Variants in DIAPH3 observed in about 807,000 individuals in gnomAD.
DIAPH3 encodes the protein diaphanous related formin 3.
A neutral mutation model predicts 144.3 loss-of-function variants in DIAPH3; 117 were observed. That is an observed-to-expected ratio of 0.81 (90% CI 0.70 to 0.95). DIAPH3 has a LOEUF of 0.95. Ranked by LOEUF, DIAPH3 falls within the 40% of genes least tolerant of loss-of-function variation. The pLI, the probability that DIAPH3 is intolerant of heterozygous loss-of-function variation, is 0.00. For missense variants in DIAPH3, 1,421 were observed against 1,412.7 expected (o/e 1.01, Z -0.09); for synonymous variants, 519 against 488.9 (o/e 1.06, Z -0.81).
intron 25 of DIAPH3, among the ~76,000 whole-genome samples, chr13:59,781,216 G>C (rs949063486): frequency 6.6e-6 from 1 of 152,192 alleles, no homozygotes; most frequent in African/African-American, 2.4e-5. Flanking sequence ...AATAAGACTA[G>C]GACTGGATTT....
intron 2 of DIAPH3, among the ~76,000 whole-genome samples, chr13:60,113,131 ATTATGGT>A (rs1437350447): frequency 6.6e-6 from 1 of 152,188 alleles, no homozygotes; most frequent in Admixed American, 6.5e-5. Flanking sequence ...TGTACTATTC[ATTATGGT>A]AGCCACTAGC....
intron 14 of DIAPH3, among the ~76,000 whole-genome samples, chr13:59,978,781 G>A (rs2800308): frequency 0.64 from 96,766 of 151,360 alleles, 31,819 homozygotes; most frequent in African/African-American, 0.73. Context: ...TTACTAGAGC[G>A]ATATTACACT....
intron 26 of DIAPH3, 76 bp from the exon 27 acceptor site, chr13:59,774,324 C>CT (rs1269008125): frequency 4.8e-6 from 6 of 1,251,826 alleles, no homozygotes; most frequent in Non-Finnish European, 6.8e-6. Context: ...ATTAGACATA[C>CT]TTTTTTCCAA....
chr13:59,684,068 G>A (rs1373027295), intron 27 of DIAPH3, among the ~76,000 whole-genome samples: 3 of 151,646 alleles, frequency 2.0e-5, no homozygotes. Flanking sequence ...AAAAAAACAA[G>A]GCCAAGGAGC....
chr13:60,155,588 T>C (rs1951993311), intron 1 of DIAPH3, among the ~76,000 whole-genome samples: 1 of 152,194 alleles, frequency 6.6e-6, no homozygotes, highest in South Asian at 2.1e-4. Flanking sequence ...AAGCTTACAA[T>C]GCCTGGTGTG....
At chr13:59,898,664 T>C (rs2046264904) in intron 20 of DIAPH3, among the ~76,000 whole-genome samples, 1 of 152,208 alleles carries the variant, frequency 6.6e-6, no homozygotes, top group African/African-American at 2.4e-5. Flanking sequence ...CCTGACAGAA[T>C]GATTCCTGCC....
intron 24 of DIAPH3, among the ~76,000 whole-genome samples, chr13:59,815,904 T>C (rs933816555): frequency 5.9e-5 from 9 of 152,086 alleles, no homozygotes; most frequent in Non-Finnish European, 1.3e-4. Context: ...CAACTCCTAC[T>C]TGTCTTATCT....
intron 27 of DIAPH3, chr13:59,696,246 A>G (rs1201335519): frequency 6.6e-6 from 1 of 152,234 alleles, no homozygotes. Flanking sequence ...CTTTTTAGAA[A>G]TAGCTCAATG....
chr13:59,720,415 A>C (rs1466047219), intron 27 of DIAPH3, among the ~76,000 whole-genome samples: 2 of 152,222 alleles, frequency 1.3e-5, no homozygotes, highest in Non-Finnish European at 2.9e-5. Context: ...AATTGTTATT[A>C]AATGAAAATT....
intron 20 of DIAPH3, among the ~76,000 whole-genome samples, chr13:59,890,921 C>T (rs568723940): frequency 9.9e-5 from 15 of 151,996 alleles, no homozygotes; most frequent in African/African-American, 3.1e-4. Context: ...ACTTTACGGA[C>T]CCTTTCAGAA....
chr13:60,087,608 A>G (rs925863811), intron 4 of DIAPH3, among the ~76,000 whole-genome samples: 1 of 152,182 alleles, frequency 6.6e-6, no homozygotes, highest in Non-Finnish European at 1.5e-5. Context: ...AAGAACTACT[A>G]CAGTAATACT....
chr13:59,780,885 T>C (rs1264672517), intron 25 of DIAPH3, among the ~76,000 whole-genome samples: 5 of 152,164 alleles, frequency 3.3e-5, no homozygotes, highest in African/African-American at 1.2e-4. Context: ...AGCTGGAAAT[T>C]CGGGCCTCAA....
At chr13:59,853,122 A>G (rs1187125453) in intron 22 of DIAPH3, among the ~76,000 whole-genome samples, 3 of 152,218 alleles carry the variant, frequency 2.0e-5, no homozygotes, top group African/African-American at 4.8e-5. Context: ...GATTATACCT[A>G]TAACAAGCTG....
chr13:60,120,848 T>C (rs2058827500), intron 2 of DIAPH3, among the ~76,000 whole-genome samples: 1 of 152,170 alleles, frequency 6.6e-6, no homozygotes, highest in Non-Finnish European at 1.5e-5. Context: ...AACAGAACCA[T>C]ACTGTAAGCT....
chr13:60,061,270 T>C (rs1488505977), intron 4 of DIAPH3, among the ~76,000 whole-genome samples: 2 of 151,872 alleles, frequency 1.3e-5, no homozygotes, highest in Non-Finnish European at 2.9e-5. Context: ...AGGGAGAGAA[T>C]AGAAGCACAA....
chr13:59,851,441 G>A (rs879282297), intron 22 of DIAPH3, among the ~76,000 whole-genome samples: 11 of 152,016 alleles, frequency 7.2e-5, no homozygotes, highest in African/African-American at 2.7e-4. Flanking sequence ...ATCTAAAACT[G>A]CAAAAAACCC....
intron 17 of DIAPH3, among the ~76,000 whole-genome samples, chr13:59,943,027 A>G (rs1189889387): frequency 6.6e-6 from 1 of 152,198 alleles, no homozygotes. Flanking sequence ...ATATATATAT[A>G]AGCATTTGTT....
At chr13:60,159,350 G>A (rs1181297221) in intron 1 of DIAPH3, among the ~76,000 whole-genome samples, 1 of 152,190 alleles carries the variant, frequency 6.6e-6, no homozygotes, top group Non-Finnish European at 1.5e-5. Context: ...TCTAGGCCAG[G>A]TGCGATGGCT....
At chr13:60,132,040 A>G (rs958486797) in intron 2 of DIAPH3, among the ~76,000 whole-genome samples, 3 of 152,222 alleles carry the variant, frequency 2.0e-5, no homozygotes, top group Non-Finnish European at 4.4e-5. Flanking sequence ...ATATGTTAGT[A>G]TATGAAAATG....
Sources: gnomAD v4.1 joint callset for allele counts (sites outside exome capture counted in the v4.1 genomes callset) on GRCh38, gnomAD v4.1.1 for gene constraint, MANE v1.5 for transcripts, NCBI Gene and HGNC (gene_info 2026-07-23, HGNC 2026-07-21) for gene names.